Variants in SLC35F4 observed in about 807,000 individuals in gnomAD.
SLC35F4 encodes solute carrier family 35 member F4, also known as chromosome 14 open reading frame 36.
In SLC35F4, 24 loss-of-function variants were observed where a neutral mutation model predicts 44.2. The observed-to-expected ratio is 0.54, with a 90% CI of 0.39 to 0.76. The LOEUF is 0.76. Ranked by LOEUF, SLC35F4 falls within the 30% of genes least tolerant of loss-of-function variation. The probability of loss-of-function intolerance (pLI) is 0.00; values close to 1 mark genes in which losing one functional copy is unlikely to be tolerated. For synonymous variants in SLC35F4, 238 were observed against 223.6 expected, an observed-to-expected ratio of 1.06 and a Z score of -0.57; for missense variants, 562 against 586.1, an observed-to-expected ratio of 0.96 and a Z score of 0.42.
intron 1 of SLC35F4, among the ~76,000 whole-genome samples, chr14:57,944,695 A>AAAGAAAG (rs1201207131): frequency 1.3e-3 from 151 of 116,056 alleles, no homozygotes; most frequent in African/African-American, 2.6e-3. Context: ...AGAAAGAAAG[A>AAAGAAAG]AAAGAAAGAA....
chr14:57,968,405 G>C (rs1594660680), intron 1 of SLC35F4, among the ~76,000 whole-genome samples: 2 of 152,320 alleles, frequency 1.3e-5, no homozygotes, highest in East Asian at 3.9e-4. Flanking sequence ...TTTACCTGCT[G>C]TCTGATACTC....
chr14:57,684,619 A>G (rs1026890233), intron 1 of SLC35F4, among the ~76,000 whole-genome samples: 2 of 152,194 alleles, frequency 1.3e-5, no homozygotes, highest in African/African-American at 4.8e-5. Flanking sequence ...GTGTGCAGCC[A>G]GGAGGTTGGG....
At chr14:57,698,243 T>A (rs2075439726) in intron 1 of SLC35F4, among the ~76,000 whole-genome samples, 1 of 152,176 alleles carries the variant, frequency 6.6e-6, no homozygotes. Flanking sequence ...ACCCTGGTAA[T>A]GAGCATTTAG....
chr14:57,673,710 C>T (rs754537310), intron 1 of SLC35F4, among the ~76,000 whole-genome samples: 68 of 152,024 alleles, frequency 4.5e-4, no homozygotes, highest in South Asian at 8.3e-4. Flanking sequence ...GTGTTAGAAA[C>T]ATTTTTTGAG....
intron 1 of SLC35F4, among the ~76,000 whole-genome samples, chr14:57,826,978 T>C (rs1883843771): frequency 6.6e-6 from 1 of 152,072 alleles, no homozygotes; most frequent in Non-Finnish European, 1.5e-5. Flanking sequence ...GAATCAGAAA[T>C]ACCATTTGAC....
chr14:57,802,143 G>A (rs1336078455), intron 1 of SLC35F4, among the ~76,000 whole-genome samples: 11 of 152,128 alleles, frequency 7.2e-5, no homozygotes, highest in Admixed American at 5.2e-4. Flanking sequence ...TTAGACCACA[G>A]CACAATTAAA....
At chr14:57,811,103 AG>A (rs1881916655) in intron 1 of SLC35F4, among the ~76,000 whole-genome samples, 1 of 152,230 alleles carries the variant, frequency 6.6e-6, no homozygotes, top group African/African-American at 2.4e-5. Context: ...AAGTTTGATT[AG>A]GGATCTGGAA....
intron 1 of SLC35F4, among the ~76,000 whole-genome samples, chr14:57,674,023 T>C (rs1201382211): frequency 1.3e-5 from 2 of 152,072 alleles, no homozygotes; most frequent in Admixed American, 6.6e-5. Context: ...TTCAGTGTCA[T>C]TAAGTAATTA....
chr14:57,834,724 A>G (rs1423762391), intron 1 of SLC35F4, among the ~76,000 whole-genome samples: 1 of 152,224 alleles, frequency 6.6e-6, no homozygotes, highest in Non-Finnish European at 1.5e-5. Flanking sequence ...ATTGCTTCTC[A>G]GAGAACCAAA....
intron 4 of SLC35F4, among the ~76,000 whole-genome samples, chr14:57,575,562 C>A (rs1369609776): frequency 6.6e-6 from 1 of 152,174 alleles, no homozygotes; most frequent in South Asian, 2.1e-4. Context: ...ATGTTAGTAA[C>A]CATAGTGACC....
chr14:57,857,641 C>G (rs903105198), intron 1 of SLC35F4, among the ~76,000 whole-genome samples: 1 of 152,066 alleles, frequency 6.6e-6, no homozygotes. Flanking sequence ...TCTCCCCAAG[C>G]TCTATGGGTG....
At chr14:57,577,358 A>T (rs1244442261) in intron 4 of SLC35F4, among the ~76,000 whole-genome samples, 4 of 152,150 alleles carry the variant, frequency 2.6e-5, no homozygotes, top group Non-Finnish European at 5.9e-5. Flanking sequence ...CTGCACAGGG[A>T]CCCAAATATA....
At chr14:57,719,448 A>G (rs1012878341) in intron 1 of SLC35F4, among the ~76,000 whole-genome samples, 3 of 152,206 alleles carry the variant, frequency 2.0e-5, no homozygotes, top group Non-Finnish European at 4.4e-5. Context: ...CTTTCAATCC[A>G]TGAACATGGA....
intron 1 of SLC35F4, among the ~76,000 whole-genome samples, chr14:57,668,578 T>A (rs1681634738): frequency 6.6e-6 from 1 of 152,162 alleles, no homozygotes; most frequent in African/African-American, 2.4e-5. Context: ...CACCATTTGT[T>A]AAATAGGGAA....
At chr14:57,835,860 T>G (rs1388184501) in intron 1 of SLC35F4, among the ~76,000 whole-genome samples, 3 of 152,246 alleles carry the variant, frequency 2.0e-5, no homozygotes, top group African/African-American at 7.2e-5. Flanking sequence ...TCCAAATGAT[T>G]TCAGCTCTTT....
intron 1 of SLC35F4, among the ~76,000 whole-genome samples, chr14:57,772,484 C>T (rs1341503516): frequency 6.6e-6 from 1 of 152,088 alleles, no homozygotes; most frequent in Non-Finnish European, 1.5e-5. Flanking sequence ...AAATAGTGAA[C>T]ATTGTACCTA....
At chr14:57,718,660 C>T (rs1482344593) in intron 1 of SLC35F4, among the ~76,000 whole-genome samples, 5 of 152,172 alleles carry the variant, frequency 3.3e-5, no homozygotes, top group Non-Finnish European at 5.9e-5. Context: ...AATATCTATT[C>T]AAATCTTTTG....
chr14:57,647,080 GA>G (rs1416047990), intron 1 of SLC35F4, among the ~76,000 whole-genome samples: 1 of 152,182 alleles, frequency 6.6e-6, no homozygotes, highest in Non-Finnish European at 1.5e-5. Context: ...ATGTGGTGCT[GA>G]AAAGAATGCA....
At chr14:57,859,850 G>T (rs1347403434) in intron 1 of SLC35F4, among the ~76,000 whole-genome samples, 16 of 152,172 alleles carry the variant, frequency 1.1e-4, no homozygotes, top group Admixed American at 1.0e-3. Context: ...TTGGACAATT[G>T]GTTTGATATA....
Sources: gnomAD v4.1 joint callset for allele counts (sites outside exome capture counted in the v4.1 genomes callset) on GRCh38, gnomAD v4.1.1 for gene constraint, MANE v1.5 for transcripts, NCBI Gene and HGNC (gene_info 2026-07-23, HGNC 2026-07-21) for gene names.